The following VPS35L variants were observed in gnomAD, a reference collection of about 807,000 sequenced individuals.
The protein encoded by VPS35L is VPS35 endosomal protein sorting factor like.
VPS35L carries 83 observed loss-of-function variants against 133.0 expected under a neutral mutation model. The ratio of observed to expected loss-of-function variants is 0.62; its 90% CI spans 0.52 to 0.75. The LOEUF (loss-of-function observed/expected upper bound fraction) is 0.75, where lower values mean the gene tolerates loss of function less well. Among genes scored for constraint, VPS35L ranks in the 30% least tolerant of loss-of-function variants. The pLI is 0.00. For missense variants in VPS35L, 1,083 were observed against 1,206.8 expected (o/e 0.90, Z 1.52); for synonymous variants, 423 against 449.9 (o/e 0.94, Z 0.76).
chr16:19,645,284 T>C (rs1162385325), intron 23 of VPS35L, among the ~76,000 whole-genome samples: 1 of 136,526 alleles, frequency 7.3e-6, no homozygotes, highest in Non-Finnish European at 1.5e-5. Flanking sequence ...CTTCCCTGTC[T>C]TTTTTCTTTT....
chr16:19,647,738 C>T, intron 23 of VPS35L, 46 bp from the exon 24 acceptor site: 1 of 1,490,790 alleles, frequency 6.7e-7, no homozygotes, highest in Non-Finnish European at 9.4e-7. Context: ...TGCGTTCTCT[C>T]TAAAAATACC....
intron 23 of VPS35L, among the ~76,000 whole-genome samples, chr16:19,645,678 C>G (rs929406385): frequency 2.0e-5 from 3 of 152,198 alleles, no homozygotes; most frequent in Non-Finnish European, 2.9e-5. Context: ...CCATCCCCCC[C>G]AGCTCTGCAG....
At position 19,573,158 on chromosome 16, in the gene VPS35L, G is replaced by A. The variant is rs147199562; in HGVS notation, c.325G>A (p.Val109Ile). ...RRKRDRDDNS[V>I]VGSDFEPWTN... is the part of the protein sequence containing the mutation. ...GAAACGTGATAGAGATGATAACTCC[G>A]TTGTAGGATCGGATTTTGAGCCTTG... The change falls in exon 4 of 31, where the codon GTT (valine) becomes ATT (isoleucine). Residue 109 changes from valine (V) to isoleucine (I), a missense_variant. Transcript: ENST00000417362. The A allele has an allele frequency of 1.1e-4, 178 of 1,613,876 alleles. No homozygotes were observed. Among genetic ancestry groups the A allele is most frequent in the Admixed American group, 6.3e-4 (38 of 60,010 alleles).
At chr16:19,642,779 G>A (rs2151579358) in intron 22 of VPS35L, among the ~76,000 whole-genome samples, 1 of 152,262 alleles carries the variant, frequency 6.6e-6, no homozygotes, top group East Asian at 1.9e-4. Flanking sequence ...AGCAGATAGT[G>A]TAATAATGAG....
intron 7 of VPS35L, among the ~76,000 whole-genome samples, chr16:19,586,811 C>T (rs1202385633): frequency 6.6e-6 from 1 of 152,138 alleles, no homozygotes; most frequent in Non-Finnish European, 1.5e-5. Context: ...TTTTGAATTA[C>T]TTTTTATATA....
chr16:19,570,862 TATATATATATATATATATATATATA>T (rs1567388508), intron 3 of VPS35L, among the ~76,000 whole-genome samples: 1 of 76,010 alleles, frequency 1.3e-5, no homozygotes, highest in African/African-American at 6.4e-5. Context: ...TATATATATA[TATATATATATATATATATATATATA>T]TATTTTTGAG....
At chr16:19,601,830 G>T in intron 9 of VPS35L, 107 bp downstream of exon 9, 1 of 1,131,564 alleles carries the variant, frequency 8.8e-7, no homozygotes, top group Middle Eastern at 2.0e-4. Flanking sequence ...TTAATTTTGG[G>T]TGTGTTAAAG....
chr16:19,650,279 T>A, intron 24 of VPS35L, 103 bp from the exon 25 acceptor site: 2 of 957,902 alleles, frequency 2.1e-6, no homozygotes. Flanking sequence ...AGAAAGCTTG[T>A]TCTCATTGAC....
chr16:19,657,187 A>G (rs1974334192), intron 26 of VPS35L, among the ~76,000 whole-genome samples: 2 of 151,872 alleles, frequency 1.3e-5, no homozygotes, highest in Non-Finnish European at 1.5e-5. Context: ...GGCTGGTCTC[A>G]AACTCCTGAA....
intron 29 of VPS35L, 86 bp downstream of exon 29, chr16:19,691,557 A>C: frequency 9.8e-7 from 1 of 1,025,348 alleles, no homozygotes; most frequent in Non-Finnish European, 1.5e-6. Flanking sequence ...CATTCTAGAA[A>C]GGAAACTATG....
intron 9 of VPS35L, among the ~76,000 whole-genome samples, chr16:19,601,941 T>C (rs1448649807): frequency 6.6e-6 from 1 of 152,172 alleles, no homozygotes; most frequent in Non-Finnish European, 1.5e-5. Flanking sequence ...GTCATTTGAA[T>C]CTGCAAAGGC....
chr16:19,649,075 A>C (rs1175295358), intron 24 of VPS35L, among the ~76,000 whole-genome samples: 3 of 151,214 alleles, frequency 2.0e-5, no homozygotes, highest in Non-Finnish European at 2.9e-5. Context: ...TGCAACCTCC[A>C]CCTCCCGGGT....
intron 11 of VPS35L, 108 bp from the exon 12 acceptor site, chr16:19,610,214 T>A (rs1972666768): frequency 2.1e-6 from 2 of 934,540 alleles, no homozygotes; most frequent in South Asian, 1.7e-5. Flanking sequence ...AAACTTGATT[T>A]TTCCCCCCCT....
rs552677405 is a variant in VPS35L, at chr16:19,648,874, C to CA, written c.2028+1014dup. On this transcript the variant is annotated intron_variant, in intron 24 of 30. Transcript: ENST00000417362. The stretch of plus-strand genomic sequence containing the variant: ...TAGGCAACAAAGGGAGACTCCATCT[C>CA]AAAAAAAAAAAAAAAAAAAAAAGTT... 7.0e-3 allele frequency among the ~76,000 whole-genome samples: 635 copies of CA among 91,356 alleles called. 6 individuals are homozygous for CA. The highest frequency in any genetic ancestry group is 9.5e-3 in the African/African-American group (261 of 27,510). 59.9% of individuals were successfully genotyped at this position (91,356 alleles called of 152,430 possible).
intron 14 of VPS35L, among the ~76,000 whole-genome samples, chr16:19,622,995 G>C (rs1207895297): frequency 6.6e-6 from 1 of 152,094 alleles, no homozygotes; most frequent in South Asian, 2.1e-4. Flanking sequence ...AGCAAGGTGG[G>C]GGCAACCATT....
intron 18 of VPS35L, among the ~76,000 whole-genome samples, chr16:19,631,446 G>A (rs1250170200): frequency 2.6e-5 from 4 of 152,004 alleles, no homozygotes; most frequent in African/African-American, 2.4e-5. Flanking sequence ...ATGTTGCCTC[G>A]TTTTGAGCAT....
rs776736181 is a variant in VPS35L at position 19,569,564 on chromosome 16, T to C, written c.258T>C (p.Ala86=). Residue 86 remains alanine, a synonymous_variant, in exon 3 of 31, where the codon GCT becomes GCC. Transcript: ENST00000417362. ...CCCTCTCCATGTTTGCAGCCACTGCTGACCCCGCAGCCTTGGCAGCTGCCA... is the reference window on the plus strand; with the variant it reads ...CCCTCTCCATGTTTGCAGCCACTGCCGACCCCGCAGCCTTGGCAGCTGCCA... ...TDPLSMFAAT[A]DPAALAAAMD... is the part of the protein sequence containing the mutation. 6.3e-7 allele frequency: 1 copy of C among 1,577,386 alleles called. No individual in the cohort carries two copies. The highest frequency in any genetic ancestry group is 8.6e-7 in the Non-Finnish European group (1 of 1,162,424).
At chr16:19,600,726 A>G (rs1972356436) in intron 8 of VPS35L, among the ~76,000 whole-genome samples, 1 of 152,200 alleles carries the variant, frequency 6.6e-6, no homozygotes, top group Admixed American at 6.6e-5. Flanking sequence ...CAGGTCACAT[A>G]AAAGAGTGAA....
rs760760852 is a variant in VPS35L at position 19,669,235 on chromosome 16, G to A, written c.2297G>A (p.Arg766Gln). ...ATGATTAATATTGATGGGAAGATGC[G>A]GCCATCGGAATCGTTCCTTCTGGAA... is the stretch of plus-strand genomic sequence containing the variant. ...PKMINIDGKM[R>Q]PSESFLLEFL... is the part of the protein sequence containing the mutation. The change falls in exon 27 of 31, where the codon CGG (arginine) becomes CAG (glutamine). Residue 766 changes from arginine (R) to glutamine (Q), a missense_variant. Coordinates refer to ENST00000417362, the MANE Select transcript of VPS35L (RefSeq NM_020314.7). 2.4e-5 allele frequency: 38 copies of A among 1,612,850 alleles called. No individual in the cohort carries two copies. The African/African-American group carries it at 2.4e-4, about 10-fold the overall frequency.
Sources: allele counts gnomAD v4.1 joint callset (sites outside exome capture counted in the v4.1 genomes callset), GRCh38; gene constraint gnomAD v4.1.1; transcripts MANE v1.5; gene names NCBI Gene and HGNC (gene_info 2026-07-23, HGNC 2026-07-21).